The following ADCY2 variants were observed in gnomAD, a reference collection of about 807,000 sequenced individuals.
ADCY2 encodes adenylate cyclase type 2.
Under a neutral mutation model 125.2 loss-of-function variants are expected in ADCY2, and 31 were observed. The observed-to-expected ratio is 0.25, with a 90% CI of 0.19 to 0.33. The LOEUF is 0.33. Ranked by LOEUF, ADCY2 falls within the 10% of genes least tolerant of loss-of-function variation. ADCY2 has a pLI of 1.00. For synonymous variants in ADCY2, 512 were observed against 548.4 expected (o/e 0.93, Z 0.93); for missense variants, 904 against 1,418.2 (o/e 0.64, Z 5.82).
At chr5:7,723,396 T>G (rs140387034) in intron 12 of ADCY2, among the ~76,000 whole-genome samples, 15 of 152,206 alleles carry the variant, frequency 9.9e-5, no homozygotes, top group Non-Finnish European at 8.8e-5. Flanking sequence ...GATGGTCTAG[T>G]TCCTGGGATG....
chr5:7,482,510 TG>T (rs1454675755), intron 2 of ADCY2, among the ~76,000 whole-genome samples: 1 of 152,126 alleles, frequency 6.6e-6, no homozygotes, highest in Non-Finnish European at 1.5e-5. Flanking sequence ...TATGTACTGT[TG>T]GTGGGAACTT....
At chr5:7,544,946 C>T (rs1463481278) in intron 3 of ADCY2, among the ~76,000 whole-genome samples, 1 of 152,172 alleles carries the variant, frequency 6.6e-6, no homozygotes, top group Non-Finnish European at 1.5e-5. Context: ...GCACTGGGGC[C>T]AGGCCTGGGC....
intron 17 of ADCY2, among the ~76,000 whole-genome samples, chr5:7,772,240 T>C (rs1485734080): frequency 3.9e-5 from 6 of 152,132 alleles, no homozygotes; most frequent in Non-Finnish European, 8.8e-5. Context: ...CCTGCAGTGG[T>C]AAATGGGGAG....
chr5:7,461,030 C>T (rs955473824), intron 2 of ADCY2, among the ~76,000 whole-genome samples: 4 of 152,158 alleles, frequency 2.6e-5, no homozygotes, highest in African/African-American at 9.7e-5. Context: ...TGGTAGAGAT[C>T]CTTCATGGCC....
At chr5:7,543,797 A>G (rs1378312115) in intron 3 of ADCY2, among the ~76,000 whole-genome samples, 1 of 151,948 alleles carries the variant, frequency 6.6e-6, no homozygotes. Context: ...GCGGATCACA[A>G]GGTCAGGAGA....
chr5:7,693,047 G>A (rs2126313558), intron 5 of ADCY2, among the ~76,000 whole-genome samples: 2 of 152,186 alleles, frequency 1.3e-5, no homozygotes, highest in South Asian at 4.2e-4. Flanking sequence ...CTTGATTTCT[G>A]AACTCTGTTG....
At chr5:7,819,848 A>G (rs948176322) in intron 23 of ADCY2, among the ~76,000 whole-genome samples, 34 of 152,284 alleles carry the variant, frequency 2.2e-4, no homozygotes, top group African/African-American at 7.2e-4. Context: ...ACCACAAATC[A>G]AGCACACTCC....
chr5:7,806,963 T>A (rs959409613), intron 22 of ADCY2, among the ~76,000 whole-genome samples: 1 of 152,222 alleles, frequency 6.6e-6, no homozygotes, highest in Non-Finnish European at 1.5e-5. Flanking sequence ...AGTGCCTCAC[T>A]TACCTCACCC....
At chr5:7,398,729 T>G (rs1214418897) in intron 1 of ADCY2, among the ~76,000 whole-genome samples, 2 of 152,202 alleles carry the variant, frequency 1.3e-5, no homozygotes, top group Non-Finnish European at 2.9e-5. Flanking sequence ...AAAGCCACCT[T>G]CAGGCAGAGA....
intron 2 of ADCY2, among the ~76,000 whole-genome samples, chr5:7,509,144 C>T (rs1743961542): frequency 6.6e-6 from 1 of 152,184 alleles, no homozygotes; most frequent in Non-Finnish European, 1.5e-5. Context: ...TGGAAGACTT[C>T]AGAGCTCTTA....
chr5:7,413,599 G>GTTT (rs552814045), intron 1 of ADCY2, among the ~76,000 whole-genome samples: 21 of 147,916 alleles, frequency 1.4e-4, no homozygotes, highest in Non-Finnish European at 2.2e-4. Context: ...CACCCGGCCG[G>GTTT]TTTTTTTTTT....
intron 5 of ADCY2, among the ~76,000 whole-genome samples, chr5:7,695,252 A>G (rs1740850496): frequency 6.6e-6 from 1 of 152,122 alleles, no homozygotes; most frequent in Non-Finnish European, 1.5e-5. Context: ...TGGCCTCCTC[A>G]CTGTCCAATC....
intron 3 of ADCY2, among the ~76,000 whole-genome samples, chr5:7,532,645 C>CTTTGTT (rs1275625572): frequency 2.0e-5 from 3 of 151,920 alleles, no homozygotes; most frequent in Admixed American, 1.3e-4. Flanking sequence ...TTAGGGACTC[C>CTTTGTT]TTTGTTTTTG....
At chr5:7,822,887 C>T (rs1336812248) in intron 24 of ADCY2, among the ~76,000 whole-genome samples, 2 of 152,190 alleles carry the variant, frequency 1.3e-5, no homozygotes, top group Non-Finnish European at 2.9e-5. Flanking sequence ...ATAGATTTAT[C>T]ATGGTGGTCC....
At chr5:7,457,387 C>T (rs1181750913) in intron 2 of ADCY2, among the ~76,000 whole-genome samples, 1 of 152,130 alleles carries the variant, frequency 6.6e-6, no homozygotes, top group African/African-American at 2.4e-5. Context: ...TCAGGGTGCC[C>T]TCAGCTGCAG....
chr5:7,474,599 G>A (rs1742451824), intron 2 of ADCY2, among the ~76,000 whole-genome samples: 3 of 152,206 alleles, frequency 2.0e-5, no homozygotes, highest in African/African-American at 7.2e-5. Flanking sequence ...AACCCAGCGA[G>A]GAGACTGCTA....
At chr5:7,643,136 A>AT (rs1228784639) in intron 4 of ADCY2, among the ~76,000 whole-genome samples, 2 of 151,202 alleles carry the variant, frequency 1.3e-5, no homozygotes, top group East Asian at 3.9e-4. Flanking sequence ...GAAATGTTGG[A>AT]TTTTTCTATT....
At chr5:7,401,293 A>G (rs1465044963) in intron 1 of ADCY2, among the ~76,000 whole-genome samples, 1 of 152,220 alleles carries the variant, frequency 6.6e-6, no homozygotes, top group Admixed American at 6.5e-5. Flanking sequence ...AAAGGTGCTC[A>G]TTCTACAGAT....
At chr5:7,823,131 G>A (rs930487789) in intron 24 of ADCY2, among the ~76,000 whole-genome samples, 12 of 152,066 alleles carry the variant, frequency 7.9e-5, no homozygotes, top group Non-Finnish European at 1.2e-4. Flanking sequence ...TTTAATTTTT[G>A]TATGGAATGG....
Sources: gnomAD v4.1 joint callset for allele counts (sites outside exome capture counted in the v4.1 genomes callset) on GRCh38, gnomAD v4.1.1 for gene constraint, MANE v1.5 for transcripts, NCBI Gene and HGNC (gene_info 2026-07-23, HGNC 2026-07-21) for gene names.